The following SLCO1A2 variants were observed in gnomAD, a reference collection of about 807,000 sequenced individuals.
The protein encoded by SLCO1A2 is OATP-1.
Under a neutral mutation model 69.0 loss-of-function variants are expected in SLCO1A2, and 67 were observed. The ratio of observed to expected loss-of-function variants is 0.97; its 90% CI spans 0.80 to 1.19. The LOEUF (loss-of-function observed/expected upper bound fraction) is 1.19, where lower values mean the gene tolerates loss of function less well. Among genes scored for constraint, SLCO1A2 ranks in the 50% most tolerant of loss-of-function variants. SLCO1A2 has a pLI of 0.00. For missense variants in SLCO1A2, 787 were observed against 793.7 expected (o/e 0.99, Z 0.10); for synonymous variants, 260 against 265.9 (o/e 0.98, Z 0.22).
At chr12:21,317,012 T>A (rs1386920736) in intron 3 of SLCO1A2, among the ~76,000 whole-genome samples, 1 of 152,244 alleles carries the variant, frequency 6.6e-6, no homozygotes, top group African/African-American at 2.4e-5. Context: ...CAAATATTAC[T>A]ATATAAAAAT....
At chr12:21,376,226 CTG>C (rs1940183051) in intron 1 of SLCO1A2, 2 of 167,420 alleles carry the variant, frequency 1.2e-5, no homozygotes, top group Admixed American at 1.3e-4. Flanking sequence ...GTATTTCACA[CTG>C]TGCTTCAGTC....
At chr12:21,379,641 T>A (rs1940461246) in intron 1 of SLCO1A2, 1 of 152,226 alleles carries the variant, frequency 6.6e-6, no homozygotes. Context: ...TATCTGCTTT[T>A]CCCTGACTTT....
upstream of SLCO1A2, among the ~76,000 whole-genome samples, chr12:21,418,793 G>A (rs1289127168): frequency 1.3e-5 from 2 of 152,058 alleles, no homozygotes; most frequent in Non-Finnish European, 2.9e-5. Flanking sequence ...AAGTAAGGGG[G>A]TTTCTACTAT....
upstream of SLCO1A2, among the ~76,000 whole-genome samples, chr12:21,396,734 A>G (rs531568473): frequency 3.3e-5 from 5 of 152,320 alleles, no homozygotes; most frequent in South Asian, 1.0e-3. Context: ...TCTTAAAGAA[A>G]AGAATTTTCA....
At chr12:21,370,558 C>CT (rs1396352349) in intron 2 of SLCO1A2, among the ~76,000 whole-genome samples, 2 of 148,450 alleles carry the variant, frequency 1.3e-5, no homozygotes, top group Non-Finnish European at 3.0e-5. Context: ...CAATTCCCAC[C>CT]TATGAGTGAG....
intron 1 of SLCO1A2, among the ~76,000 whole-genome samples, chr12:21,406,132 A>C (rs754704582): frequency 1.3e-5 from 2 of 152,210 alleles, no homozygotes; most frequent in Non-Finnish European, 2.9e-5. Context: ...TTCTTTTGCT[A>C]GGTTGAATGA....
intron 2 of SLCO1A2, among the ~76,000 whole-genome samples, chr12:21,368,515 T>A (rs1243714698): frequency 6.6e-6 from 1 of 152,102 alleles, no homozygotes; most frequent in Non-Finnish European, 1.5e-5. Flanking sequence ...GCTGAATGAA[T>A]ATTTATATTA....
intron 12 of SLCO1A2, among the ~76,000 whole-genome samples, chr12:21,287,037 G>A (rs1945948674): frequency 7.7e-6 from 1 of 130,118 alleles, no homozygotes; most frequent in Non-Finnish European, 1.6e-5. Context: ...AAGAGCTTCT[G>A]CACAGCAAAA....
At chr12:21,397,520 G>A (rs1352491660), upstream of SLCO1A2, among the ~76,000 whole-genome samples, 1 of 151,998 alleles carries the variant, frequency 6.6e-6, no homozygotes, top group Non-Finnish European at 1.5e-5. Flanking sequence ...GCACCAAGCG[G>A]ACCTAATAGA....
chr12:21,414,437 A>AT (rs1213972741), intron 1 of SLCO1A2, among the ~76,000 whole-genome samples: 1 of 151,854 alleles, frequency 6.6e-6, no homozygotes, highest in African/African-American at 2.4e-5. Flanking sequence ...TTATTTACTA[A>AT]TTTTTTTTAA....
chr12:21,416,150 A>G (rs1941984408), intron 1 of SLCO1A2, among the ~76,000 whole-genome samples: 3 of 151,818 alleles, frequency 2.0e-5, no homozygotes, highest in Admixed American at 2.0e-4. Context: ...TTCTGTTTGT[A>G]TCTGTAACCT....
chr12:21,363,554 A>G (rs956393796), intron 2 of SLCO1A2, among the ~76,000 whole-genome samples: 2 of 152,218 alleles, frequency 1.3e-5, no homozygotes, highest in Non-Finnish European at 2.9e-5. Flanking sequence ...TCAGAGCAGA[A>G]CTGAAGTAGA....
intron 4 of SLCO1A2, among the ~76,000 whole-genome samples, chr12:21,309,018 T>C (rs1185607526): frequency 2.0e-5 from 3 of 152,172 alleles, no homozygotes; most frequent in Non-Finnish European, 2.9e-5. Flanking sequence ...GAAGAGATAA[T>C]GCATTCTTGA....
upstream of SLCO1A2, among the ~76,000 whole-genome samples, chr12:21,396,746 C>A (rs1418608596): frequency 6.6e-6 from 1 of 151,994 alleles, no homozygotes; most frequent in Non-Finnish European, 1.5e-5. Flanking sequence ...GAATTTTCAA[C>A]CCAGAATTTC....
intron 12 of SLCO1A2, among the ~76,000 whole-genome samples, chr12:21,278,697 T>C (rs1046333658): frequency 6.6e-6 from 1 of 152,134 alleles, no homozygotes; most frequent in African/African-American, 2.4e-5. Flanking sequence ...CCAAGTCCTT[T>C]TGAATACCTG....
intron 2 of SLCO1A2, among the ~76,000 whole-genome samples, chr12:21,321,104 A>G (rs1270774829): frequency 6.6e-6 from 1 of 152,124 alleles, no homozygotes; most frequent in Non-Finnish European, 1.5e-5. Flanking sequence ...TCCACAAGCT[A>G]TGTCTGAATT....
At chr12:21,288,477 G>A (rs1946317608) in intron 12 of SLCO1A2, among the ~76,000 whole-genome samples, 1 of 152,000 alleles carries the variant, frequency 6.6e-6, no homozygotes, top group Admixed American at 6.6e-5. Flanking sequence ...TTGAACTCAT[G>A]GAGATAGAGA....
rs539848594 is a variant in SLCO1A2, at chr12:21,296,929, G to T, written c.1075+475C>A. Among the ~76,000 whole-genome samples, 7 of 152,286 alleles carry T rather than the reference G, an allele frequency of 4.6e-5. No individual in the cohort carries two copies. In the South Asian group the frequency reaches 1.0e-3, roughly 23 times the overall value. The stretch of plus-strand genomic sequence containing the variant: ...CCCAAGTTAGGCTAAAACCACTGAG[G>T]TTAGTGTGGTTGCAGGAAAAGCCGA... On this transcript the variant is annotated intron_variant, in intron 9 of 14. Coordinates refer to ENST00000683939, the MANE Select transcript of SLCO1A2 (RefSeq NM_001386879.1).
chr12:21,265,771 GC>G lies in SLCO1A2; in HGVS notation c.*3776del, dbSNP rs1942006870. 6.6e-6 allele frequency: 1 copy of G among 152,118 alleles called. No individual in the cohort carries two copies. The highest frequency in any genetic ancestry group is 1.5e-5 in the Non-Finnish European group (1 of 68,036). The allele number at this position is 152,118 out of a possible 1,614,324, so 9.4% of individuals were successfully genotyped here. A position where few individuals can be genotyped will look rare whatever the true frequency, so the allele number is the denominator to read the frequency against. On this transcript the variant is annotated 3_prime_UTR_variant, in exon 15 of 15. Coordinates refer to ENST00000683939, the MANE Select transcript of SLCO1A2 (RefSeq NM_001386879.1). ...CAAGCAAACAACAGCTTACCCTACTGCCTACTTGCCTCTTTTTCCTTTTCCC... is the reference window on the plus strand; with the variant it reads ...CAAGCAAACAACAGCTTACCCTACTGCTACTTGCCTCTTTTTCCTTTTCCC...
Sources: allele counts gnomAD v4.1 joint callset (sites outside exome capture counted in the v4.1 genomes callset), GRCh38; gene constraint gnomAD v4.1.1; transcripts MANE v1.5; gene names NCBI Gene and HGNC (gene_info 2026-07-23, HGNC 2026-07-21).